Variants in EYS observed in about 807,000 individuals in gnomAD.
EYS encodes the protein protein eyes shut homolog.
A neutral mutation model predicts 282.1 loss-of-function variants in EYS; 250 were observed. That is an observed-to-expected ratio of 0.89 (90% CI 0.80 to 0.98). The LOEUF is 0.98. Among genes scored for constraint, EYS ranks in the 50% least tolerant of loss-of-function variants. The pLI is 0.00. For synonymous variants in EYS, 1,355 were observed against 1,282.9 expected (o/e 1.06, Z -1.20); for missense variants, 4,016 against 3,709.0 (o/e 1.08, Z -2.15).
chr6:65,243,599 G>T (rs985104231), intron 12 of EYS, among the ~76,000 whole-genome samples: 4 of 151,692 alleles, frequency 2.6e-5, no homozygotes, highest in African/African-American at 9.8e-5. Flanking sequence ...CAATGTCAAA[G>T]ACTTTATTTT....
At chr6:65,655,643 CTGTG>C (rs892442990) in intron 1 of EYS, among the ~76,000 whole-genome samples, 1 of 151,592 alleles carries the variant, frequency 6.6e-6, no homozygotes, top group Non-Finnish European at 1.5e-5. Flanking sequence ...TTTGCTGATG[CTGTG>C]TGTTTTTTTA....
intron 37 of EYS, among the ~76,000 whole-genome samples, chr6:63,804,602 C>T: frequency 6.6e-6 from 1 of 152,096 alleles, no homozygotes; most frequent in East Asian, 1.9e-4. Context: ...GTGGTTAAGG[C>T]ACTGGAAGAA....
chr6:65,338,930 AT>A (rs1208080547), intron 10 of EYS, among the ~76,000 whole-genome samples: 1 of 151,228 alleles, frequency 6.6e-6, no homozygotes, highest in East Asian at 1.9e-4. Context: ...CTCTAGTTAA[AT>A]AATGCCAGCT....
At chr6:65,248,869 T>C (rs980784590) in intron 12 of EYS, among the ~76,000 whole-genome samples, 1 of 152,136 alleles carries the variant, frequency 6.6e-6, no homozygotes, top group African/African-American at 2.4e-5. Flanking sequence ...ATGTATGTGT[T>C]CATGGTATGC....
chr6:64,513,798 T>A (rs1400468478), intron 26 of EYS, among the ~76,000 whole-genome samples: 1 of 151,746 alleles, frequency 6.6e-6, no homozygotes, highest in Admixed American at 6.6e-5. Flanking sequence ...TTGATTAACA[T>A]GAAGAAAAAT....
intron 39 of EYS, among the ~76,000 whole-genome samples, chr6:63,784,609 AG>A (rs1204445906): frequency 6.6e-6 from 1 of 152,006 alleles, no homozygotes; most frequent in African/African-American, 2.4e-5. Flanking sequence ...AAAAGAGTGA[AG>A]GGGGGTGATA....
At chr6:65,018,353 T>G (rs1772124280) in intron 13 of EYS, among the ~76,000 whole-genome samples, 1 of 152,184 alleles carries the variant, frequency 6.6e-6, no homozygotes, top group Non-Finnish European at 1.5e-5. Flanking sequence ...CTGACAATCT[T>G]TGGCATCCCG....
intron 16 of EYS, among the ~76,000 whole-genome samples, chr6:64,905,252 T>A (rs1767786499): frequency 1.3e-5 from 2 of 152,212 alleles, no homozygotes; most frequent in African/African-American, 4.8e-5. Context: ...CCAAACTACA[T>A]ATTCTATAAT....
At position 64,590,908 on chromosome 6, in the gene EYS, A is replaced by G. The variant is rs1239943833; in HGVS notation, c.4959T>C (p.Ser1653=). Residue 1653 remains serine, a synonymous_variant, in exon 26 of 43, where the codon AGT becomes AGC. Transcript: ENST00000503581. ...CCAAACATAAATTAACATCCAAATT[A>G]CTTGATAGGGTAATGGATTCTTCCA... ...SSLEESITLS[S]NLDVNLCLDK... 10 of 1,550,420 alleles carry G rather than the reference A, an allele frequency of 6.4e-6. No homozygotes were observed. The highest frequency in any genetic ancestry group is 2.0e-5 in the Admixed American group (1 of 50,952).
chr6:63,825,530 T>A (rs1303238120), intron 36 of EYS, among the ~76,000 whole-genome samples: 1 of 152,144 alleles, frequency 6.6e-6, no homozygotes, highest in Admixed American at 6.5e-5. Flanking sequence ...GGTGCTGGTA[T>A]CCATGGCTGA....
At chr6:64,869,080 T>TTC (rs1042431455) in intron 19 of EYS, among the ~76,000 whole-genome samples, 1 of 151,664 alleles carries the variant, frequency 6.6e-6, no homozygotes, top group Middle Eastern at 3.4e-3. Context: ...TTCTCAGTTA[T>TTC]CATTTTATCA....
At chr6:64,665,142 G>A (rs1390419059) in intron 22 of EYS, among the ~76,000 whole-genome samples, 10 of 152,096 alleles carry the variant, frequency 6.6e-5, no homozygotes, top group Admixed American at 2.6e-4. Context: ...CTTGTTTTCC[G>A]AAACTTTGTC....
intron 14 of EYS, among the ~76,000 whole-genome samples, chr6:64,948,592 AT>A (rs889033642): frequency 2.7e-4 from 40 of 146,920 alleles, no homozygotes; most frequent in African/African-American, 9.9e-4. Context: ...TTAAGTAATT[AT>A]TAAATATTAA....
At chr6:64,653,776 G>A (rs1397393526) in intron 22 of EYS, among the ~76,000 whole-genome samples, 1 of 147,706 alleles carries the variant, frequency 6.8e-6, no homozygotes, top group South Asian at 2.1e-4. Flanking sequence ...TGTTGCCAAG[G>A]CTGATCTCAA....
chr6:63,915,860 C>G (rs964250134), intron 35 of EYS, among the ~76,000 whole-genome samples: 2 of 152,150 alleles, frequency 1.3e-5, no homozygotes, highest in African/African-American at 4.8e-5. Context: ...CATGATAGAA[C>G]TTTAATGAAT....
intron 6 of EYS, among the ~76,000 whole-genome samples, chr6:65,403,374 A>AT (rs1367096108): frequency 6.6e-6 from 1 of 151,756 alleles, no homozygotes; most frequent in Non-Finnish European, 1.5e-5. Flanking sequence ...TGTCCTCCTT[A>AT]TTTTTTCCTC....
chr6:65,105,459 C>T (rs1775009066), intron 12 of EYS, among the ~76,000 whole-genome samples: 1 of 151,728 alleles, frequency 6.6e-6, no homozygotes, highest in African/African-American at 2.4e-5. Flanking sequence ...GTTTTCCTTT[C>T]CTAAAGGAAA....
chr6:64,975,172 C>T (rs1178238569), intron 14 of EYS, among the ~76,000 whole-genome samples: 1 of 151,708 alleles, frequency 6.6e-6, no homozygotes, highest in Non-Finnish European at 1.5e-5. Context: ...CCTGATATCT[C>T]TCTGAGAATT....
intron 14 of EYS, among the ~76,000 whole-genome samples, chr6:64,976,003 T>C (rs1770465647): frequency 6.6e-6 from 1 of 151,858 alleles, no homozygotes; most frequent in Admixed American, 6.6e-5. Flanking sequence ...AAATAACATT[T>C]TAAAATAAAC....
Sources: gnomAD v4.1 joint callset for allele counts (sites outside exome capture counted in the v4.1 genomes callset) on GRCh38, gnomAD v4.1.1 for gene constraint, MANE v1.5 for transcripts, NCBI Gene and HGNC (gene_info 2026-07-23, HGNC 2026-07-21) for gene names.